SPATS2L: variants seen among roughly 807,000 people sequenced by gnomAD.
SPATS2L encodes the protein spermatogenesis associated serine rich 2 like, also known as SPATS2-like protein.
In SPATS2L, 30 loss-of-function variants were observed where a neutral mutation model predicts 59.6. That is an observed-to-expected ratio of 0.50 (90% CI 0.38 to 0.68). SPATS2L has a LOEUF of 0.68. Ranked by LOEUF, SPATS2L falls within the 30% of genes least tolerant of loss-of-function variation. SPATS2L has a pLI of 0.00. For missense variants in SPATS2L, 615 were observed against 700.0 expected (o/e 0.88, Z 1.37); for synonymous variants, 252 against 263.5 (o/e 0.96, Z 0.42).
chr2:200,451,011 G>C (rs1432022687), intron 8 of SPATS2L, among the ~76,000 whole-genome samples: 1 of 152,088 alleles, frequency 6.6e-6, no homozygotes, highest in Non-Finnish European at 1.5e-5. Flanking sequence ...TGTGCTCAGG[G>C]AGAAGTACCC....
At chr2:200,313,256 G>C (rs530572398) in intron 1 of SPATS2L, among the ~76,000 whole-genome samples, 1 of 152,334 alleles carries the variant, frequency 6.6e-6, no homozygotes, top group Non-Finnish European at 1.5e-5. Context: ...CAGTTTGAAG[G>C]TGTGTGAAAG....
intron 3 of SPATS2L, among the ~76,000 whole-genome samples, chr2:200,403,716 T>A (rs1488561910): frequency 6.6e-6 from 1 of 152,192 alleles, no homozygotes; most frequent in Non-Finnish European, 1.5e-5. Flanking sequence ...GGATGATTGC[T>A]TTGCTCCTGC....
In SPATS2L at chr2:200,477,658, G is replaced by A. The variant is rs1201129740; in HGVS notation, c.1304G>A (p.Arg435Gln). 9 of 1,551,868 alleles carry A rather than the reference G, an allele frequency of 5.8e-6. No individual in the cohort carries two copies. Among genetic ancestry groups the A allele is most frequent in the South Asian group, 2.4e-5 (2 of 82,594 alleles). Reference protein sequence around the residue: ...NKQNGSSNQRRRFNPQYHNNR... With the variant: ...NKQNGSSNQRQRFNPQYHNNR... ...TAGAATGGATCTTCTAACCAAAGAC[G>A]GAGATTTAATCCACAGTATCATAAC... The change falls in exon 13 of 13, where the codon CGG (arginine) becomes CAG (glutamine). Residue 435 changes from arginine (R) to glutamine (Q), a missense_variant. Arg to Gln is a conservative substitution (Grantham distance 43). This residue lies in a region of SPATS2L where 284 missense variants were observed against 280.1 expected (regional missense o/e 1.01). Coordinates refer to ENST00000409140, the MANE Select transcript of SPATS2L (RefSeq NM_001100423.2).
chr2:200,470,138 T>C (rs1412791214), intron 11 of SPATS2L, 122 bp downstream of exon 11: 5 of 692,506 alleles, frequency 7.2e-6, no homozygotes, highest in Non-Finnish European at 1.2e-5. Context: ...TAAAGAGATT[T>C]AATGATCTAA....
intron 3 of SPATS2L, among the ~76,000 whole-genome samples, chr2:200,410,207 A>T (rs1466716801): frequency 2.0e-5 from 3 of 152,108 alleles, no homozygotes; most frequent in Non-Finnish European, 2.9e-5. Context: ...GTGGCTTGAA[A>T]TAAATGCTAG....
chr2:200,375,575 GT>G (rs1228794305), intron 2 of SPATS2L, among the ~76,000 whole-genome samples: 2 of 152,202 alleles, frequency 1.3e-5, no homozygotes, highest in African/African-American at 4.8e-5. Context: ...GAAGAGCAGA[GT>G]GGATTGGAAG....
intron 6 of SPATS2L, among the ~76,000 whole-genome samples, chr2:200,420,090 G>T (rs1205362431): frequency 1.3e-5 from 2 of 151,976 alleles, no homozygotes; most frequent in Non-Finnish European, 2.9e-5. Flanking sequence ...TTAGAATCTG[G>T]AACATTAATT....
intron 2 of SPATS2L, among the ~76,000 whole-genome samples, chr2:200,368,714 C>A (rs1183436394): frequency 6.6e-6 from 1 of 151,900 alleles, no homozygotes; most frequent in Non-Finnish European, 1.5e-5. Context: ...GGGGGAAATC[C>A]CAAATATTTC....
chr2:200,322,478 C>T (rs964491181), intron 1 of SPATS2L, among the ~76,000 whole-genome samples: 10 of 152,136 alleles, frequency 6.6e-5, no homozygotes, highest in African/African-American at 2.2e-4. Flanking sequence ...CAGGAAAGAG[C>T]TGTAATAATT....
intron 6 of SPATS2L, among the ~76,000 whole-genome samples, chr2:200,422,537 C>CCTAA (rs2083352301): frequency 1.5e-5 from 2 of 133,190 alleles, no homozygotes; most frequent in East Asian, 2.2e-4. Context: ...TAAGACTCCT[C>CCTAA]AAAAAAAAAA....
chr2:200,387,463 T>C (rs1007175550), intron 2 of SPATS2L, among the ~76,000 whole-genome samples: 1 of 152,256 alleles, frequency 6.6e-6, no homozygotes, highest in Non-Finnish European at 1.5e-5. Context: ...TGTTACTGTT[T>C]CTAATATTTG....
chr2:200,394,949 T>G (rs1307544542), intron 3 of SPATS2L, among the ~76,000 whole-genome samples: 2 of 152,104 alleles, frequency 1.3e-5, no homozygotes, highest in African/African-American at 4.8e-5. Flanking sequence ...AGAAAAAAAT[T>G]CCCCAAATGT....
chr2:200,311,607 A>C (rs956264310), intron 1 of SPATS2L, among the ~76,000 whole-genome samples: 2 of 152,212 alleles, frequency 1.3e-5, no homozygotes, highest in African/African-American at 4.8e-5. Flanking sequence ...CATCCCTGTA[A>C]ATTAGAAAAA....
chr2:200,433,498 A>T (rs534627667), intron 6 of SPATS2L, among the ~76,000 whole-genome samples: 1 of 152,254 alleles, frequency 6.6e-6, no homozygotes, highest in East Asian at 1.9e-4. Context: ...GCAATAAGAT[A>T]ACTAGAAAAT....
At chr2:200,438,293 A>C (rs1196642979) in intron 6 of SPATS2L, among the ~76,000 whole-genome samples, 4 of 145,978 alleles carry the variant, frequency 2.7e-5, no homozygotes, top group Non-Finnish European at 6.0e-5. Context: ...AACTGCACTC[A>C]TCAAGCTTTC....
intron 3 of SPATS2L, among the ~76,000 whole-genome samples, chr2:200,399,228 T>C (rs2082446001): frequency 1.3e-5 from 2 of 152,090 alleles, no homozygotes; most frequent in Non-Finnish European, 2.9e-5. Context: ...CTCCATTTCC[T>C]CCTCCTTCCA....
At chr2:200,448,975 C>T (rs888116571) in intron 8 of SPATS2L, among the ~76,000 whole-genome samples, 5 of 152,084 alleles carry the variant, frequency 3.3e-5, no homozygotes, top group African/African-American at 7.2e-5. Flanking sequence ...AAATAAGCTC[C>T]GGGATCTATT....
intron 2 of SPATS2L, among the ~76,000 whole-genome samples, chr2:200,353,311 A>G (rs1404678221): frequency 6.6e-6 from 1 of 152,186 alleles, no homozygotes; most frequent in South Asian, 2.1e-4. Flanking sequence ...TGATTGTGCA[A>G]TCCAAGTGGA....
At chr2:200,428,942 C>T (rs1449044225) in intron 6 of SPATS2L, among the ~76,000 whole-genome samples, 1 of 152,200 alleles carries the variant, frequency 6.6e-6, no homozygotes, top group African/African-American at 2.4e-5. Flanking sequence ...AGCAATAGTC[C>T]ACTCATTAAT....
Sources: gnomAD v4.1 joint callset for allele counts (sites outside exome capture counted in the v4.1 genomes callset) on GRCh38, gnomAD v4.1.1 for gene constraint, gnomAD v4.1.1 regional missense constraint, MANE v1.5 for transcripts, NCBI Gene and HGNC (gene_info 2026-07-23, HGNC 2026-07-21) for gene names.